CRIM1: variants seen among roughly 807,000 people sequenced by gnomAD.
CRIM1 encodes cysteine rich transmembrane BMP regulator 1, also known as cysteine-rich motor neuron 1 protein.
A neutral mutation model predicts 116.4 loss-of-function variants in CRIM1; 32 were observed. The observed-to-expected ratio is 0.27, with a 90% CI of 0.21 to 0.37. CRIM1 has a LOEUF of 0.37. Ranked by LOEUF, CRIM1 falls within the 10% of genes least tolerant of loss-of-function variation. The pLI is 1.00. For synonymous variants in CRIM1, 590 were observed against 509.2 expected (o/e 1.16, Z -2.13); for missense variants, 1,331 against 1,354.8 (o/e 0.98, Z 0.28).
At chr2:36,447,999 A>G (rs183234258) in intron 4 of CRIM1, among the ~76,000 whole-genome samples, 12 of 152,284 alleles carry the variant, frequency 7.9e-5, no homozygotes, top group African/African-American at 2.9e-4. Flanking sequence ...TCCACCCAGG[A>G]GCAGACACGT....
At chr2:36,385,487 T>C (rs771655408) in intron 1 of CRIM1, among the ~76,000 whole-genome samples, 1 of 152,120 alleles carries the variant, frequency 6.6e-6, no homozygotes, top group Non-Finnish European at 1.5e-5. Flanking sequence ...GTTGAGATCA[T>C]GTTTATATTG....
intron 4 of CRIM1, among the ~76,000 whole-genome samples, chr2:36,445,096 C>A (rs1387116449): frequency 1.3e-5 from 2 of 152,264 alleles, no homozygotes; most frequent in East Asian, 3.9e-4. Flanking sequence ...TGTCAGCCCA[C>A]ATCTGTTGGT....
chr2:36,482,004 A>G (rs370136461), intron 7 of CRIM1, among the ~76,000 whole-genome samples: 1 of 152,130 alleles, frequency 6.6e-6, no homozygotes, highest in Non-Finnish European at 1.5e-5. Context: ...CAGTTTGAAG[A>G]CCTCAGGGGA....
chr2:36,529,049 C>G (rs989023395), intron 13 of CRIM1: 116 of 468,152 alleles, frequency 2.5e-4, no homozygotes, highest in Non-Finnish European at 9.8e-5. Flanking sequence ...CGCTCCAGCC[C>G]CACGTTCTTA....
At chr2:36,513,368 C>G (rs922659530) in intron 10 of CRIM1, 188 bp from the exon 11 acceptor site, 2 of 562,782 alleles carry the variant, frequency 3.6e-6, no homozygotes, top group Non-Finnish European at 6.3e-6. Flanking sequence ...GTTTTTTTCT[C>G]TCTTTTCTTT....
chr2:36,487,934 ATACAT>A (rs1460909794), intron 7 of CRIM1, among the ~76,000 whole-genome samples: 1 of 152,114 alleles, frequency 6.6e-6, no homozygotes, highest in Non-Finnish European at 1.5e-5. Flanking sequence ...TTTTTTTCAA[ATACAT>A]TAGACTAAAA....
At chr2:36,430,705 T>A (rs1405587044) in intron 2 of CRIM1, among the ~76,000 whole-genome samples, 1 of 152,194 alleles carries the variant, frequency 6.6e-6, no homozygotes, top group Non-Finnish European at 1.5e-5. Context: ...GAAGGAGTCC[T>A]AGGACCAGAA....
At chr2:36,412,897 A>G (rs1673318547) in intron 2 of CRIM1, among the ~76,000 whole-genome samples, 1 of 152,194 alleles carries the variant, frequency 6.6e-6, no homozygotes, top group Non-Finnish European at 1.5e-5. Flanking sequence ...TATGTGAAGT[A>G]CTTCCTAAGA....
intron 2 of CRIM1, among the ~76,000 whole-genome samples, chr2:36,420,982 G>A (rs911838115): frequency 5.3e-5 from 8 of 152,266 alleles, no homozygotes; most frequent in East Asian, 1.9e-4. Flanking sequence ...TGGAAACCCC[G>A]TGGTGTTTAA....
chr2:36,507,644 T>C (rs1233085970), intron 8 of CRIM1, among the ~76,000 whole-genome samples: 2 of 152,232 alleles, frequency 1.3e-5, no homozygotes, highest in Non-Finnish European at 2.9e-5. Context: ...CCAGTCTCCT[T>C]CTAATGAATG....
intron 2 of CRIM1, among the ~76,000 whole-genome samples, chr2:36,439,476 A>T (rs147791373): frequency 1.3e-5 from 2 of 152,296 alleles, no homozygotes; most frequent in East Asian, 3.9e-4. Flanking sequence ...AGTCTTGAAA[A>T]TGGCATAAGG....
intron 9 of CRIM1, among the ~76,000 whole-genome samples, chr2:36,511,142 A>G (rs1664646299): frequency 6.6e-6 from 1 of 151,966 alleles, no homozygotes. Flanking sequence ...GGGTTTCACC[A>G]TGTTTCCCAG....
Position 36,394,413 on chromosome 2 carries a change from G to A in CRIM1, c.332-2201G>A, listed in dbSNP as rs1572633230. 2.6e-5 allele frequency among the ~76,000 whole-genome samples: 4 copies of A among 152,126 alleles called. No homozygotes were observed. The Middle Eastern group carries it at 0.014, about 517-fold the overall frequency. On this transcript the variant is annotated intron_variant, in intron 1 of 16. Transcript: ENST00000280527. The stretch of plus-strand genomic sequence containing the variant: ...CAGTTAAACAGATAAGAAATCACTT[G>A]GATGCACATTTTGTTATAACTGAAG...
chr2:36,414,997 G>C (rs944988472), intron 2 of CRIM1, among the ~76,000 whole-genome samples: 2 of 152,240 alleles, frequency 1.3e-5, no homozygotes, highest in African/African-American at 2.4e-5. Context: ...AGCTAGAGTA[G>C]AATCAGAAAC....
intron 4 of CRIM1, among the ~76,000 whole-genome samples, chr2:36,451,845 G>T (rs1381959092): frequency 1.3e-5 from 2 of 152,170 alleles, no homozygotes; most frequent in Non-Finnish European, 2.9e-5. Context: ...GTCATGTTCA[G>T]AGCTCAGAAA....
At chr2:36,464,381 C>T (rs187719156) in intron 4 of CRIM1, among the ~76,000 whole-genome samples, 153 bp from the exon 5 acceptor site, 26 of 152,318 alleles carry the variant, frequency 1.7e-4, no homozygotes, top group African/African-American at 5.5e-4. Flanking sequence ...AGAACCCCTC[C>T]TGCCTTCCCA....
intron 2 of CRIM1, among the ~76,000 whole-genome samples, chr2:36,400,551 G>A (rs1028607518): frequency 6.6e-6 from 1 of 152,158 alleles, no homozygotes; most frequent in African/African-American, 2.4e-5. Context: ...AGGGGAAAAG[G>A]AAGAATGATC....
At chr2:36,380,679 A>G (rs1256413618) in intron 1 of CRIM1, among the ~76,000 whole-genome samples, 1 of 152,222 alleles carries the variant, frequency 6.6e-6, no homozygotes, top group African/African-American at 2.4e-5. Flanking sequence ...GGGAGGTTGA[A>G]GTTTTGTTTG....
chr2:36,443,895 G>A (rs539193841), intron 4 of CRIM1, among the ~76,000 whole-genome samples: 90 of 152,152 alleles, frequency 5.9e-4, no homozygotes, highest in Non-Finnish European at 9.1e-4. Flanking sequence ...TTATAAAACA[G>A]ATGCAAAGAT....
Sources: gnomAD v4.1 joint callset for allele counts (sites outside exome capture counted in the v4.1 genomes callset) on GRCh38, gnomAD v4.1.1 for gene constraint, MANE v1.5 for transcripts, NCBI Gene and HGNC (gene_info 2026-07-23, HGNC 2026-07-21) for gene names.